Variants in RIMS4 observed in about 807,000 individuals in gnomAD.
RIMS4 encodes regulating synaptic membrane exocytosis protein 4.
In RIMS4, 9 loss-of-function variants were observed where a neutral mutation model predicts 29.0. The observed-to-expected ratio is 0.31, with a 90% CI of 0.19 to 0.54. RIMS4 has a LOEUF of 0.54. RIMS4 is among the 20% of genes least tolerant of loss of function. RIMS4 has a pLI of 0.94. For missense variants in RIMS4, 193 were observed against 365.7 expected, an observed-to-expected ratio of 0.53 and a Z score of 3.85; for synonymous variants, 130 against 152.9, an observed-to-expected ratio of 0.85 and a Z score of 1.10.
At chr20:44,772,422 T>A (rs951800738) in intron 1 of RIMS4, among the ~76,000 whole-genome samples, 1 of 152,004 alleles carries the variant, frequency 6.6e-6, no homozygotes, top group East Asian at 1.9e-4. Context: ...AAGAACAGGG[T>A]CTAGACCATT....
At chr20:44,760,536 C>T (rs966037704) in intron 2 of RIMS4, among the ~76,000 whole-genome samples, 3 of 152,140 alleles carry the variant, frequency 2.0e-5, no homozygotes, top group Admixed American at 6.5e-5. Context: ...AGTAAGATCA[C>T]GTTCCAGGAG....
intron 2 of RIMS4, among the ~76,000 whole-genome samples, chr20:44,770,061 C>G (rs1188816425): frequency 6.6e-6 from 1 of 152,230 alleles, no homozygotes; most frequent in Non-Finnish European, 1.5e-5. Flanking sequence ...TAATTAGCCA[C>G]ATGCTTCTAG....
At chr20:44,770,879 G>A (rs2066134266) in intron 2 of RIMS4, among the ~76,000 whole-genome samples, 1 of 152,178 alleles carries the variant, frequency 6.6e-6, no homozygotes, top group South Asian at 2.1e-4. Flanking sequence ...CTAATATACA[G>A]CACTTAGTGC....
intron 1 of RIMS4, among the ~76,000 whole-genome samples, chr20:44,774,434 G>A (rs573689128): frequency 4.6e-5 from 7 of 152,146 alleles, no homozygotes; most frequent in Admixed American, 4.6e-4. Flanking sequence ...TGCCAGCATG[G>A]CCAGAATAAA....
At chr20:44,792,945 C>A (rs1285332925) in intron 1 of RIMS4, among the ~76,000 whole-genome samples, 1 of 152,096 alleles carries the variant, frequency 6.6e-6, no homozygotes, top group East Asian at 1.9e-4. Context: ...AGAGGTACAG[C>A]CTGTTTTCCC....
At chr20:44,806,297 A>T (rs1400027280) in intron 1 of RIMS4, among the ~76,000 whole-genome samples, 2 of 152,146 alleles carry the variant, frequency 1.3e-5, no homozygotes, top group Non-Finnish European at 2.9e-5. Context: ...CCCCTTTGGC[A>T]TCTGTTGGAA....
intron 1 of RIMS4, among the ~76,000 whole-genome samples, chr20:44,777,612 A>C (rs1568899898): frequency 1.3e-5 from 2 of 152,130 alleles, no homozygotes; most frequent in East Asian, 3.9e-4. Context: ...CTGTGTGAAA[A>C]CAGATCATCA....
chr20:44,764,943 G>A (rs1288040554), intron 2 of RIMS4, among the ~76,000 whole-genome samples: 1 of 152,132 alleles, frequency 6.6e-6, no homozygotes, highest in Non-Finnish European at 1.5e-5. Context: ...ACTGTGTGTG[G>A]CTCATGGGTG....
chr20:44,790,026 T>C (rs1237259178), intron 1 of RIMS4, among the ~76,000 whole-genome samples: 1 of 152,250 alleles, frequency 6.6e-6, no homozygotes, highest in Non-Finnish European at 1.5e-5. Flanking sequence ...AACTGAGCTG[T>C]GGTCCCCAGG....
At chr20:44,803,692 C>T (rs888577061) in intron 1 of RIMS4, among the ~76,000 whole-genome samples, 1 of 152,162 alleles carries the variant, frequency 6.6e-6, no homozygotes, top group Admixed American at 6.5e-5. Context: ...GGGGGGATGG[C>T]GCTCTGGAGC....
At chr20:44,806,699 C>G (rs1227478688) in intron 1 of RIMS4, among the ~76,000 whole-genome samples, 1 of 152,202 alleles carries the variant, frequency 6.6e-6, no homozygotes, top group Non-Finnish European at 1.5e-5. Flanking sequence ...AGGTACTGTA[C>G]TAAGACTTCT....
intron 1 of RIMS4, among the ~76,000 whole-genome samples, chr20:44,797,366 G>A (rs1302743390): frequency 2.0e-5 from 3 of 152,132 alleles, no homozygotes; most frequent in Non-Finnish European, 2.9e-5. Flanking sequence ...CTACTGTCTG[G>A]CCCTTTACAG....
intron 1 of RIMS4, among the ~76,000 whole-genome samples, chr20:44,771,640 T>C (rs1435786756): frequency 1.3e-5 from 2 of 152,230 alleles, no homozygotes; most frequent in African/African-American, 2.4e-5. Context: ...TTACATGTGC[T>C]TTTTCTCCCC....
At chr20:44,776,096 T>C (rs1474415820) in intron 1 of RIMS4, among the ~76,000 whole-genome samples, 3 of 151,796 alleles carry the variant, frequency 2.0e-5, no homozygotes, top group Non-Finnish European at 4.4e-5. Context: ...CTGGGCAACA[T>C]AGCGAAACCC....
intron 1 of RIMS4, among the ~76,000 whole-genome samples, chr20:44,792,082 CGTT>C (rs1016340383): frequency 2.0e-5 from 3 of 152,066 alleles, no homozygotes; most frequent in Non-Finnish European, 4.4e-5. Context: ...ATGGAATCAC[CGTT>C]ATCTGCTCTG....
chr20:44,810,013 G>T (rs752359646), intron 1 of RIMS4, among the ~76,000 whole-genome samples, 162 bp downstream of exon 1: 97 of 151,404 alleles, frequency 6.4e-4, no homozygotes, highest in Non-Finnish European at 1.3e-3. Flanking sequence ...AGAAGGTAGC[G>T]CATCCTGGAG....
intron 1 of RIMS4, among the ~76,000 whole-genome samples, chr20:44,787,533 G>T (rs1338181723): frequency 1.3e-5 from 2 of 152,052 alleles, no homozygotes; most frequent in African/African-American, 4.8e-5. Context: ...AACACCGGCC[G>T]CCTGGAGCCA....
intron 1 of RIMS4, among the ~76,000 whole-genome samples, chr20:44,794,547 C>T (rs976399107): frequency 4.6e-5 from 7 of 152,164 alleles, no homozygotes; most frequent in Non-Finnish European, 7.3e-5. Context: ...AATATAAAGC[C>T]GGCATTTTAA....
chr20:44,796,025 C>T (rs2066253451), intron 1 of RIMS4, among the ~76,000 whole-genome samples: 2 of 152,152 alleles, frequency 1.3e-5, no homozygotes, highest in Non-Finnish European at 2.9e-5. Flanking sequence ...GCCAGAGAGT[C>T]CAGGATTCCA....
Sources: gnomAD v4.1 joint callset for allele counts (sites outside exome capture counted in the v4.1 genomes callset) on GRCh38, gnomAD v4.1.1 for gene constraint, MANE v1.5 for transcripts, NCBI Gene and HGNC (gene_info 2026-07-23, HGNC 2026-07-21) for gene names.